The following ACTN3 variants were observed in gnomAD, a reference collection of about 807,000 sequenced individuals.
ACTN3 encodes the protein actinin alpha 3.
A neutral mutation model predicts 119.6 loss-of-function variants in ACTN3; 91 were observed. That is an observed-to-expected ratio of 0.76 (90% CI 0.64 to 0.91). The LOEUF (loss-of-function observed/expected upper bound fraction) is 0.91. Among genes scored for constraint, ACTN3 ranks in the 40% least tolerant of loss-of-function variants. The pLI is 0.00. For missense variants in ACTN3, 1,221 were observed against 1,215.1 expected (o/e 1.00, Z -0.07); for synonymous variants, 456 against 478.8 (o/e 0.95, Z 0.62).
At position 66,557,786 on chromosome 11, in the gene ACTN3, G is replaced by A. The variant is rs1857624422; in HGVS notation, c.985G>A (p.Asp329Asn). ...GAGTGCCATGCAGCGCAAACTAGAG[G>A]ACTTTCGGGACTACCGGCGTCTGCA... ...SMSAMQRKLEDFRDYRRLHKP... is the reference protein window; with the variant it reads ...SMSAMQRKLENFRDYRRLHKP... Residue 329 changes from aspartate to asparagine, a missense_variant, in exon 10 of 21, where the codon GAC (aspartate) becomes AAC (asparagine). Physicochemically the swap from Asp to Asn is conservative, Grantham distance 23 (BLOSUM62 1). Transcript: ENST00000513398. 15 of 1,613,914 alleles carry A rather than the reference G, an allele frequency of 9.3e-6. No homozygotes were observed. Among genetic ancestry groups the A allele is most frequent in the Non-Finnish European group, 1.3e-5 (15 of 1,179,898 alleles).
chr11:66,557,726 C>G lies in ACTN3; in HGVS notation c.925C>G (p.Pro309Ala). 3.7e-6 allele frequency: 6 copies of G among 1,613,060 alleles called. No individual in the cohort carries two copies. The highest frequency in any genetic ancestry group is 1.1e-5 in the South Asian group (1 of 90,832). The change falls in exon 10 of 21, where the codon CCA (proline) becomes GCA (alanine). Residue 309 changes from proline to alanine, a missense_variant. Pro to Ala is a conservative substitution (Grantham distance 27). Coordinates refer to ENST00000513398, the MANE Select transcript of ACTN3 (RefSeq NM_001104.4). Reference sequence around the variant, plus strand: ...GCTGGAGTGGATCCGCCGCACTGTCCCATGGCTGGAGAACCGTGTGGGTGA... The same window carrying G: ...GCTGGAGTGGATCCGCCGCACTGTCGCATGGCTGGAGAACCGTGTGGGTGA... ...ELLEWIRRTV[P>A]WLENRVGEPS...
At position 66,554,083 on chromosome 11, in the gene ACTN3, A is replaced by T. The variant is rs1362614028; in HGVS notation, c.421A>T (p.Ile141Phe). Residue 141 changes from isoleucine to phenylalanine, a missense_variant, in exon 4 of 21, where the codon ATC (isoleucine) becomes TTC (phenylalanine). Ile to Phe is a conservative substitution (Grantham distance 21, BLOSUM62 0). Coordinates refer to ENST00000513398, the MANE Select transcript of ACTN3 (RefSeq NM_001104.4). ...DGNLKMTLGM[I>F]WTIILRFAIQ... The stretch of plus-strand genomic sequence containing the variant: ...GAACCTGAAGATGACCCTGGGCATG[A>T]TCTGGACCATCATCCTTCGCTTCGC... The T allele has an allele frequency of 2.5e-6, 4 of 1,613,808 alleles. No individual in the cohort carries two copies. The highest frequency in any genetic ancestry group is 3.4e-6 in the Non-Finnish European group (4 of 1,179,948).
intron 3 of ACTN3, among the ~76,000 whole-genome samples, chr11:66,553,694 C>A (rs1250621051): frequency 6.6e-6 from 1 of 151,588 alleles, no homozygotes; most frequent in East Asian, 2.0e-4. Flanking sequence ...CATGGTGAAA[C>A]CCCTTCTCTA....
chr11:66,547,401 G>A (rs1056976304), intron 1 of ACTN3, among the ~76,000 whole-genome samples: 2 of 150,818 alleles, frequency 1.3e-5, no homozygotes, highest in Admixed American at 6.6e-5. Context: ...GTTAGGGGGG[G>A]TTCAGAAAGA....
At chr11:66,560,484 G>T in intron 14 of ACTN3, 89 bp from the exon 15 acceptor site, 1 of 1,497,624 alleles carries the variant, frequency 6.7e-7, no homozygotes, top group Non-Finnish European at 9.0e-7. Flanking sequence ...GCCCAGGACT[G>T]GTGGGTGGCC....
intron 2 of ACTN3, 57 bp downstream of exon 2, chr11:66,551,410 A>G (rs1208041749): frequency 7.7e-6 from 12 of 1,567,182 alleles, no homozygotes; most frequent in Non-Finnish European, 1.0e-5. Context: ...TCTGGACAGC[A>G]GGGGGAATAG....
At chr11:66,549,151 G>A (rs945404813) in intron 1 of ACTN3, among the ~76,000 whole-genome samples, 2 of 152,190 alleles carry the variant, frequency 1.3e-5, no homozygotes, top group South Asian at 2.1e-4. Context: ...CATTCCAGCA[G>A]TGCCCAGATC....
upstream of ACTN3, chr11:66,546,644 C>T: frequency 6.5e-7 from 1 of 1,532,772 alleles, no homozygotes; most frequent in South Asian, 1.2e-5. Context: ...AGTAAACAGA[C>T]TCAGAGAGGT....
chr11:66,558,534 C>T (rs1392991154), intron 11 of ACTN3, among the ~76,000 whole-genome samples: 1 of 152,158 alleles, frequency 6.6e-6, no homozygotes, highest in Non-Finnish European at 1.5e-5. Context: ...CGCCCAGTAA[C>T]TTTTTGTACT....
At chr11:66,548,464 C>CTTATA (rs1264131611) in intron 1 of ACTN3, among the ~76,000 whole-genome samples, 2 of 152,132 alleles carry the variant, frequency 1.3e-5, no homozygotes, top group Non-Finnish European at 2.9e-5. Flanking sequence ...TTATCAGGAA[C>CTTATA]ATCTGTTCAT....
chr11:66,558,666 G>A (rs1040327867), intron 11 of ACTN3, among the ~76,000 whole-genome samples: 6 of 151,988 alleles, frequency 3.9e-5, no homozygotes, highest in Admixed American at 1.3e-4. Flanking sequence ...CCGCACACCC[G>A]CCTGTTTTCT....
chr11:66,561,300 TC>T lies in ACTN3; in HGVS notation c.1936del (p.Arg646GlyfsTer29). 6.2e-7 allele frequency: 1 copy of T among 1,609,894 alleles called. No individual in the cohort carries two copies. The highest frequency in any genetic ancestry group is 8.5e-7 in the Non-Finnish European group (1 of 1,178,802). On this transcript the variant is annotated frameshift_variant, in exon 16 of 21. Coordinates refer to ENST00000513398, the MANE Select transcript of ACTN3 (RefSeq NM_001104.4). LOFTEE classifies it high-confidence loss of function. ...GCACGGCAGCAGGTAAACGAGAGGC[TC>T]CGGCGACAGTTTGCGGCCCAGGCCA... ...ELARQQVNER[L>X]RRQFAAQANA...
chr11:66,555,436 T>C, intron 7 of ACTN3, 69 bp downstream of exon 7: 1 of 1,513,868 alleles, frequency 6.6e-7, no homozygotes, highest in South Asian at 1.2e-5. Flanking sequence ...CCTCCACACC[T>C]TTGCACGGCC....
rs577173358 is a variant in ACTN3, at chr11:66,562,029, G to A, written c.2183G>A (p.Arg728His). The change falls in exon 18 of 21, where the codon CGC becomes CAC. Residue 728 changes from arginine (R) to histidine (H), a missense_variant. Around this residue, in one of 3 missense-constraint regions of ACTN3, gnomAD observed 934 missense variants for 899.9 expected, o/e 1.04. Coordinates refer to ENST00000513398, the MANE Select transcript of ACTN3 (RefSeq NM_001104.4). ...KHTVYSMEHI[R>H]VGWEQLLTSI... ...CTGTCCCCTGACCGCCAGCACATCC[G>A]CGTGGGCTGGGAGCAGCTGCTCACC... is the stretch of plus-strand genomic sequence containing the variant. 3.8e-5 allele frequency: 61 copies of A among 1,609,186 alleles called. No homozygotes were observed. The highest frequency in any genetic ancestry group is 3.7e-4 in the African/African-American group (28 of 74,900).
chr11:66,560,545 G>A lies in ACTN3; in HGVS notation c.1678-28G>A, dbSNP rs1439714975. 5 of 1,591,532 alleles carry A rather than the reference G, an allele frequency of 3.1e-6. 1 individual carries two copies. The highest frequency in any genetic ancestry group is 2.2e-5 in the East Asian group (1 of 44,710). On this transcript the variant is annotated intron_variant, in intron 14 of 20. Transcript: ENST00000513398. ...TGCCTGTGGTAAGTGGGGGACACCA[G>A]CTGACACTTCCTGCCTGTCGTCCCC... is the stretch of plus-strand genomic sequence containing the variant.
intron 14 of ACTN3, 23 bp from the exon 15 acceptor site, chr11:66,560,550 C>T (rs1590811237): frequency 6.3e-7 from 1 of 1,595,092 alleles, no homozygotes. Context: ...CACCAGCTGA[C>T]ACTTCCTGCC....
rs1021544580 is a variant in ACTN3 at position 66,563,261 on chromosome 11, C to T, written c.*68C>T. 3 of 1,508,032 alleles carry T rather than the reference C, an allele frequency of 2.0e-6. No homozygotes were observed. Among genetic ancestry groups the T allele is most frequent in the Non-Finnish European group, 2.7e-6 (3 of 1,126,242 alleles). 93.4% of individuals were successfully genotyped at this position (1,508,032 alleles called of 1,614,324 possible). On this transcript the variant is annotated 3_prime_UTR_variant, in exon 21 of 21. Coordinates refer to ENST00000513398, the MANE Select transcript of ACTN3 (RefSeq NM_001104.4). ...CACCCTGTGGCTGATCCCATCCGTC[C>T]CTCGGAGCAAGGGCCTAAGAGAAAA...
intron 1 of ACTN3, among the ~76,000 whole-genome samples, chr11:66,548,189 C>A (rs764379244): frequency 6.6e-6 from 1 of 152,106 alleles, no homozygotes; most frequent in Non-Finnish European, 1.5e-5. Flanking sequence ...ACCCCAAGGG[C>A]CGAGAGGCTC....
At position 66,556,131 on chromosome 11, in the gene ACTN3, C is replaced by G. The variant is rs964902982; in HGVS notation, c.719-14C>G. 1.1e-5 allele frequency: 17 copies of G among 1,608,602 alleles called. No individual in the cohort carries two copies. The African/African-American group carries it at 2.1e-4, about 20-fold the overall frequency. On this transcript the variant is annotated splice_polypyrimidine_tract_variant and intron_variant, in intron 7 of 20. Transcript: ENST00000513398. The stretch of plus-strand genomic sequence containing the variant: ...CTGGCTTTGGCCAGTAGACACCGTG[C>G]TGTCCTCCCCTAGACATTGTGAACA...
Sources: gnomAD v4.1 joint callset for allele counts (sites outside exome capture counted in the v4.1 genomes callset) on GRCh38, gnomAD v4.1.1 for gene constraint, gnomAD v4.1.1 regional missense constraint, MANE v1.5 for transcripts, NCBI Gene and HGNC (gene_info 2026-07-23, HGNC 2026-07-21) for gene names.